The following PLEKHA7 variants were observed in gnomAD, a reference collection of about 807,000 sequenced individuals.
PLEKHA7 encodes the protein pleckstrin homology domain-containing family A member 7.
In PLEKHA7, 104 loss-of-function variants were observed where a neutral mutation model predicts 170.0. That is an observed-to-expected ratio of 0.61 (90% CI 0.52 to 0.72). The LOEUF is 0.72. PLEKHA7 is among the 30% of genes least tolerant of loss of function. PLEKHA7 has a pLI of 0.00. For missense variants in PLEKHA7, 1,615 were observed against 1,671.7 expected (o/e 0.97, Z 0.59); for synonymous variants, 648 against 660.8 (o/e 0.98, Z 0.30).
intron 3 of PLEKHA7, among the ~76,000 whole-genome samples, chr11:16,951,514 T>A (rs894368465): frequency 1.3e-5 from 2 of 152,184 alleles, no homozygotes; most frequent in African/African-American, 4.8e-5. Context: ...CCATGTATAA[T>A]GCAAATACGG....
intron 3 of PLEKHA7, among the ~76,000 whole-genome samples, chr11:17,010,058 T>C (rs1383135966): frequency 6.6e-6 from 1 of 152,140 alleles, no homozygotes; most frequent in Non-Finnish European, 1.5e-5. Context: ...AAAACAAAAA[T>C]TCACCTGCCT....
At chr11:16,793,723 T>C (rs541609033) in intron 19 of PLEKHA7, among the ~76,000 whole-genome samples, 76 of 152,314 alleles carry the variant, frequency 5.0e-4, no homozygotes, top group African/African-American at 1.8e-3. Flanking sequence ...ATCTCCTATT[T>C]CTTTAAAGTC....
At chr11:16,925,088 C>T (rs1226205804) in intron 3 of PLEKHA7, among the ~76,000 whole-genome samples, 4 of 152,214 alleles carry the variant, frequency 2.6e-5, no homozygotes, top group African/African-American at 9.6e-5. Flanking sequence ...GAACGCTTGG[C>T]GGGGTCGCCT....
At chr11:16,883,935 C>G (rs567545082) in intron 3 of PLEKHA7, among the ~76,000 whole-genome samples, 1 of 152,252 alleles carries the variant, frequency 6.6e-6, no homozygotes, top group African/African-American at 2.4e-5. Context: ...TTATCAGTTT[C>G]TTGTATATCC....
intron 4 of PLEKHA7, among the ~76,000 whole-genome samples, chr11:16,856,508 C>T (rs536069968): frequency 6.6e-6 from 1 of 152,258 alleles, no homozygotes; most frequent in African/African-American, 2.4e-5. Context: ...GATATTAACC[C>T]CTTGTGCTTG....
At chr11:16,882,860 T>TCACACACACA (rs768102944) in intron 3 of PLEKHA7, among the ~76,000 whole-genome samples, 32 of 151,842 alleles carry the variant, frequency 2.1e-4, no homozygotes, top group African/African-American at 7.2e-4. Flanking sequence ...ATACACATAT[T>TCACACACACA]CACACACACA....
At chr11:16,968,639 C>A (rs1012980592) in intron 3 of PLEKHA7, among the ~76,000 whole-genome samples, 26 of 152,180 alleles carry the variant, frequency 1.7e-4, no homozygotes, top group African/African-American at 6.0e-4. Context: ...TGGAAAAAAA[C>A]AATTTTTGCA....
chr11:16,915,438 T>A (rs1250622935), intron 3 of PLEKHA7, among the ~76,000 whole-genome samples: 2 of 152,080 alleles, frequency 1.3e-5, no homozygotes, highest in Non-Finnish European at 2.9e-5. Flanking sequence ...TGTATACATG[T>A]GCCATGCTGG....
chr11:17,009,738 C>T (rs1865212662), intron 3 of PLEKHA7, among the ~76,000 whole-genome samples: 1 of 152,000 alleles, frequency 6.6e-6, no homozygotes, highest in South Asian at 2.1e-4. Context: ...TGGGCTCAAG[C>T]AATCCTCACA....
chr11:16,950,622 C>T (rs1020079012), intron 3 of PLEKHA7, among the ~76,000 whole-genome samples: 4 of 152,050 alleles, frequency 2.6e-5, no homozygotes, highest in Non-Finnish European at 5.9e-5. Flanking sequence ...CTGATCTGCT[C>T]GCCATTGTGG....
rs146037889 is a variant in PLEKHA7 at position 16,913,440 on chromosome 11, C to T, written c.222-42258G>A. On this transcript the variant is annotated intron_variant, in intron 3 of 26. Coordinates refer to ENST00000531066, the MANE Select transcript of PLEKHA7 (RefSeq NM_001329630.2). ...GATGCAAGGACTGCCCTCCCAGTCT[C>T]GACAGCAGTAGCCAGAGACCCTCAA... 3.0e-4 allele frequency among the ~76,000 whole-genome samples: 46 copies of T among 152,260 alleles called. No homozygotes were observed. In the East Asian group the frequency reaches 8.5e-3, roughly 28 times the overall value.
intron 3 of PLEKHA7, among the ~76,000 whole-genome samples, chr11:16,969,470 C>A (rs6416170): frequency 6.6e-6 from 1 of 151,966 alleles, no homozygotes; most frequent in Non-Finnish European, 1.5e-5. Context: ...GAGGAAAAGA[C>A]AGATGATGAT....
chr11:16,795,130 C>T, intron 17 of PLEKHA7, 112 bp from the exon 18 acceptor site: 1 of 761,418 alleles, frequency 1.3e-6, no homozygotes, highest in Non-Finnish European at 2.3e-6. Context: ...AGCATCCCCT[C>T]TGGAAACCCC....
rs190380405 is a variant in PLEKHA7 at position 17,006,199 on chromosome 11, G to A, written c.221+7790C>T. Among the ~76,000 whole-genome samples the A allele has an allele frequency of 4.9e-4, 74 of 151,416 alleles. No individual in the cohort carries two copies. The East Asian group carries it at 0.013, about 27-fold the overall frequency. The stretch of plus-strand genomic sequence containing the variant: ...CAGCCTGACCAACATGTGAAACCCC[G>A]TCTCTACTAAATTACCCGGGCATGG... On this transcript the variant is annotated intron_variant, in intron 3 of 26. Transcript: ENST00000531066.
intron 3 of PLEKHA7, among the ~76,000 whole-genome samples, chr11:16,928,620 T>C (rs546131821): frequency 3.5e-4 from 53 of 151,510 alleles, no homozygotes; most frequent in Admixed American, 5.9e-4. Flanking sequence ...GCCCAGCTAA[T>C]TTTTTTTTAA....
intron 8 of PLEKHA7, among the ~76,000 whole-genome samples, chr11:16,845,711 T>C (rs1457665507): frequency 1.3e-5 from 2 of 152,040 alleles, no homozygotes; most frequent in African/African-American, 4.8e-5. Flanking sequence ...CAGATTTTGT[T>C]TGGAAAGACC....
chr11:16,809,989 C>T (rs1849253511), intron 13 of PLEKHA7, among the ~76,000 whole-genome samples: 1 of 151,954 alleles, frequency 6.6e-6, no homozygotes, highest in Admixed American at 6.5e-5. Context: ...GCATGGAATA[C>T]TGAGTAGGGA....
chr11:16,803,408 G>C (rs1848736124), intron 13 of PLEKHA7, 113 bp from the exon 14 acceptor site: 1 of 1,117,840 alleles, frequency 8.9e-7, no homozygotes. Flanking sequence ...GTGGCAGGTA[G>C]GGTCATAGTA....
chr11:16,812,302 C>T (rs1849423845), intron 13 of PLEKHA7: 1 of 152,198 alleles, frequency 6.6e-6, no homozygotes, highest in Admixed American at 6.5e-5. Flanking sequence ...GGATGAAGAT[C>T]CCCAAGTTAA....
Sources: allele counts gnomAD v4.1 joint callset (sites outside exome capture counted in the v4.1 genomes callset), GRCh38; gene constraint gnomAD v4.1.1; transcripts MANE v1.5; gene names NCBI Gene and HGNC (gene_info 2026-07-23, HGNC 2026-07-21).